The following LRP5 variants were observed in gnomAD, a reference collection of about 807,000 sequenced individuals.
LRP5 encodes LDL receptor related protein 5, also known as low-density lipoprotein receptor-related protein 5.
Under a neutral mutation model 154.1 loss-of-function variants are expected in LRP5, and 62 were observed. The ratio of observed to expected loss-of-function variants is 0.40; its 90% CI spans 0.33 to 0.50. The LOEUF (loss-of-function observed/expected upper bound fraction) is 0.50. Among genes scored for constraint, LRP5 ranks in the 20% least tolerant of loss-of-function variants. The pLI, the probability that LRP5 is intolerant of heterozygous loss-of-function variation, is 0.55. For missense variants in LRP5, 1,915 were observed against 2,336.7 expected (o/e 0.82, Z 3.72); for synonymous variants, 966 against 1,011.5 (o/e 0.96, Z 0.85).
chr11:68,421,251 A>G (rs1391932128), intron 13 of LRP5, among the ~76,000 whole-genome samples: 1 of 151,362 alleles, frequency 6.6e-6, no homozygotes, highest in South Asian at 2.1e-4. Flanking sequence ...CTCACGCAAG[A>G]CTCCGTCTCA....
upstream of LRP5, among the ~76,000 whole-genome samples, chr11:68,309,302 G>A (rs2098586229): frequency 4.6e-5 from 7 of 150,910 alleles, no homozygotes; most frequent in Admixed American, 4.6e-4. Flanking sequence ...GCTCAATCTC[G>A]GCTCACTGCA....
At chr11:68,335,548 A>G (rs1591187904) in intron 1 of LRP5, among the ~76,000 whole-genome samples, 1 of 152,090 alleles carries the variant, frequency 6.6e-6, no homozygotes, top group African/African-American at 2.4e-5. Flanking sequence ...TGGGTGACAG[A>G]GTGAGACCCT....
chr11:68,404,699 A>G (rs1202799766), intron 8 of LRP5, among the ~76,000 whole-genome samples: 2 of 152,128 alleles, frequency 1.3e-5, no homozygotes, highest in East Asian at 3.8e-4. Flanking sequence ...GGGGCAGTGC[A>G]GTGGCTCACA....
At chr11:68,301,750 C>T in the LRP5 span, among the ~76,000 whole-genome samples, 10 of 132,362 alleles carry the variant, frequency 7.6e-5, no homozygotes, top group African/African-American at 2.3e-4. Context: ...CTCAGCCTCC[C>T]GAGTAGCTGG....
chr11:68,393,867 C>T (rs375100717), intron 7 of LRP5, among the ~76,000 whole-genome samples: 11 of 152,180 alleles, frequency 7.2e-5, no homozygotes, highest in African/African-American at 2.7e-4. Context: ...GGCTTTGCCT[C>T]GCATTTCCCT....
Position 68,426,423 on chromosome 11 carries a change from C to CTT in LRP5, c.3637+254_3637+255dup, listed in dbSNP as rs58093101. 0.15 allele frequency among the ~76,000 whole-genome samples: 18,923 copies of CTT among 130,272 alleles called. 2,501 individuals are homozygous for CTT. Among genetic ancestry groups the CTT allele is most frequent in the African/African-American group, 0.34 (11,483 of 33,586 alleles). 85.5% of individuals were successfully genotyped at this position (130,272 alleles called of 152,430 possible). ...ACAGCGTTTTAAGACAACACCAACTCTTTTTTTTTTTTTTTTTTTGAGTCA... is the reference window on the plus strand; with the variant it reads ...ACAGCGTTTTAAGACAACACCAACTCTTTTTTTTTTTTTTTTTTTTTGAGTCA... On this transcript the variant is annotated intron_variant, in intron 16 of 22. Transcript: ENST00000294304.
chr11:68,350,416 T>A (rs893437379), intron 2 of LRP5, among the ~76,000 whole-genome samples: 1 of 152,224 alleles, frequency 6.6e-6, no homozygotes, highest in Non-Finnish European at 1.5e-5. Context: ...CCGCCTGCCC[T>A]CCTCCCTGAA....
intron 2 of LRP5, among the ~76,000 whole-genome samples, chr11:68,352,878 A>G (rs1008600718): frequency 1.4e-5 from 2 of 138,990 alleles, no homozygotes; most frequent in Non-Finnish European, 3.1e-5. Context: ...GGTAATTGGT[A>G]CTTGGTTGGG....
At chr11:68,409,073 A>AATATATATATATATATATATATATATAT (rs1174773377) in intron 9 of LRP5, among the ~76,000 whole-genome samples, 3 of 44,180 alleles carry the variant, frequency 6.8e-5, no homozygotes, top group Admixed American at 6.9e-4. Flanking sequence ...AAAAAAAAAA[A>AATATATATATATATATATATATATATAT]ATATATATAT....
At chr11:68,367,318 C>T (rs2098631630) in intron 5 of LRP5, among the ~76,000 whole-genome samples, 1 of 152,206 alleles carries the variant, frequency 6.6e-6, no homozygotes, top group Admixed American at 6.5e-5. Flanking sequence ...GGGCAAGTCA[C>T]CAGCCTGGGG....
intron 1 of LRP5, among the ~76,000 whole-genome samples, chr11:68,313,724 G>C (rs191946761): frequency 1.2e-3 from 178 of 152,364 alleles, no homozygotes; most frequent in African/African-American, 4.2e-3. Flanking sequence ...AGTATGGCTG[G>C]CCAAGTGGCA....
chr11:68,436,879 C>G lies in LRP5; in HGVS notation c.4001-10C>G, dbSNP rs1459154217. 1.2e-6 allele frequency: 2 copies of G among 1,610,746 alleles called. No homozygotes were observed. Among genetic ancestry groups the G allele is most frequent in the Non-Finnish European group, 1.7e-6 (2 of 1,177,362 alleles). ...TCCAGCCTCTCTGAGTGCATGGCCT[C>G]TCCTTGCAGCCATCTGCCTGCCCAA... On this transcript the variant is annotated splice_polypyrimidine_tract_variant and intron_variant, in intron 18 of 22. Coordinates refer to ENST00000294304, the MANE Select transcript of LRP5 (RefSeq NM_002335.4).
In LRP5 at chr11:68,449,140, A is replaced by G. The variant is rs1015170819; in HGVS notation, c.*70A>G. On this transcript the variant is annotated 3_prime_UTR_variant, in exon 23 of 23. Coordinates refer to ENST00000294304, the MANE Select transcript of LRP5 (RefSeq NM_002335.4). The stretch of plus-strand genomic sequence containing the variant: ...TTTAAATATGAACAAAGAAAAAAAT[A>G]TATTTTATGATTTAAAAAATAAATA... The G allele has an allele frequency of 4.1e-5, 52 of 1,267,656 alleles. No homozygotes were observed. The highest frequency in any genetic ancestry group is 5.3e-5 in the East Asian group (2 of 37,722). The allele number at this position is 1,267,656 out of a possible 1,614,324, so 78.5% of individuals were successfully genotyped here.
At chr11:68,401,792 G>T (rs1175480197) in intron 7 of LRP5, among the ~76,000 whole-genome samples, 3 of 152,140 alleles carry the variant, frequency 2.0e-5, no homozygotes, top group African/African-American at 7.2e-5. Flanking sequence ...GCGTTCCAGC[G>T]ATTCTCCTGC....
intron 5 of LRP5, among the ~76,000 whole-genome samples, chr11:68,374,122 G>A (rs1016894646): frequency 3.3e-5 from 5 of 152,192 alleles, no homozygotes; most frequent in Non-Finnish European, 7.3e-5. Context: ...AAAAGAAGTC[G>A]GGGATGGAGT....
intron 3 of LRP5, among the ~76,000 whole-genome samples, chr11:68,362,454 G>A (rs1028505926): frequency 2.6e-5 from 4 of 152,152 alleles, no homozygotes; most frequent in African/African-American, 9.7e-5. Context: ...AGGCCAAGGC[G>A]GGTGGATCGC....
chr11:68,316,608 T>C (rs2098593560), intron 1 of LRP5, among the ~76,000 whole-genome samples: 2 of 152,216 alleles, frequency 1.3e-5, no homozygotes, highest in African/African-American at 2.4e-5. Flanking sequence ...AATATTCCAT[T>C]GTGTGGAGGG....
At chr11:68,348,431 T>G (rs113687857) in intron 2 of LRP5, among the ~76,000 whole-genome samples, 188 bp downstream of exon 2, 1,459 of 67,624 alleles carry the variant, frequency 0.022, no homozygotes, top group Middle Eastern at 0.038. Flanking sequence ...CCCGTGGGGG[T>G]GTTGGCTCAG....
chr11:68,436,331 C>T (rs1397036409), intron 18 of LRP5, among the ~76,000 whole-genome samples: 1 of 152,020 alleles, frequency 6.6e-6, no homozygotes, highest in Non-Finnish European at 1.5e-5. Context: ...TCTGGGTGGG[C>T]GTCTGGGGAG....
Sources: allele counts gnomAD v4.1 joint callset (sites outside exome capture counted in the v4.1 genomes callset), GRCh38; gene constraint gnomAD v4.1.1; transcripts MANE v1.5; gene names NCBI Gene and HGNC (gene_info 2026-07-23, HGNC 2026-07-21).